MAML3: variants seen among roughly 807,000 people sequenced by gnomAD.
MAML3 encodes mastermind-like protein 3.
MAML3 carries 27 observed loss-of-function variants against 101.9 expected under a neutral mutation model. That is an observed-to-expected ratio of 0.27 (90% CI 0.20 to 0.37). The LOEUF (loss-of-function observed/expected upper bound fraction) is 0.37, where lower values mean the gene tolerates loss of function less well. Among genes scored for constraint, MAML3 ranks in the 10% least tolerant of loss-of-function variants. MAML3 has a pLI of 1.00. For missense variants in MAML3, 1,316 were observed against 1,444.9 expected, an observed-to-expected ratio of 0.91 and a Z score of 1.45; for synonymous variants, 501 against 555.9, an observed-to-expected ratio of 0.90 and a Z score of 1.39.
Position 139,720,036 on chromosome 4 carries a change from G to T in MAML3, c.2704C>A (p.Gln902Lys). Residue 902 changes from glutamine to lysine, a missense_variant, in exon 5 of 5, where the codon CAA becomes AAA. Gln to Lys is a moderately conservative substitution (Grantham distance 53). Coordinates refer to ENST00000509479, the MANE Select transcript of MAML3 (RefSeq NM_018717.5). ...CCAACCCCCTGCCCAGAGGCAGGTT[G>T]CCTCGGTCCCTGGGCTTGGTTATGT... Reference protein sequence around the residue: ...ITHNQAQGPRQPASGQGVGMV... With the variant: ...ITHNQAQGPRKPASGQGVGMV... 5 of 1,614,088 alleles carry T rather than the reference G, an allele frequency of 3.1e-6. No homozygotes were observed. The highest frequency in any genetic ancestry group is 2.2e-5 in the East Asian group (1 of 44,882).
chr4:139,831,280 T>C (rs1483246012), intron 2 of MAML3, among the ~76,000 whole-genome samples: 2 of 152,244 alleles, frequency 1.3e-5, no homozygotes, highest in East Asian at 3.8e-4. Flanking sequence ...CTGCTGTTTT[T>C]AAACTTTTAA....
chr4:140,071,789 A>AGAGAGAGAGAGAGAGAGAGAGAGAGAG (rs1553972703), intron 1 of MAML3, among the ~76,000 whole-genome samples: 1 of 90,360 alleles, frequency 1.1e-5, no homozygotes, highest in Non-Finnish European at 2.4e-5. Flanking sequence ...GAGAGAGAGA[A>AGAGAGAGAGAGAGAGAGAGAGAGAGAG]GGCACGCATC....
chr4:139,734,928 C>T (rs970420616), intron 2 of MAML3, among the ~76,000 whole-genome samples: 1 of 152,246 alleles, frequency 6.6e-6, no homozygotes, highest in Non-Finnish European at 1.5e-5. Flanking sequence ...TCCAGGCGTC[C>T]CTCGCCGGGG....
chr4:139,865,720 G>A lies in MAML3; in HGVS notation c.2079+23637C>T, dbSNP rs149416176. ...AGTCTTTCTTCCTTTCTGCAGTTAC[G>A]CCTTAGACATGCGCACTGAGGGGCT... On this transcript the variant is annotated intron_variant, in intron 2 of 4. Coordinates refer to ENST00000509479, the MANE Select transcript of MAML3 (RefSeq NM_018717.5). Among the ~76,000 whole-genome samples the A allele has an allele frequency of 5.0e-3, 756 of 152,136 alleles. 1 individual carries two copies. Among genetic ancestry groups the A allele is most frequent in the Non-Finnish European group, 8.0e-3 (543 of 68,004 alleles).
At chr4:140,091,552 A>AAC (rs1256741950) in intron 1 of MAML3, among the ~76,000 whole-genome samples, 4 of 150,086 alleles carry the variant, frequency 2.7e-5, no homozygotes, top group Non-Finnish European at 4.5e-5. Flanking sequence ...ACAAAACAAA[A>AAC]AAAAAAAACA....
intron 1 of MAML3, among the ~76,000 whole-genome samples, chr4:140,002,806 C>A (rs921919601): frequency 2.0e-4 from 30 of 152,196 alleles, no homozygotes; most frequent in Admixed American, 1.5e-3. Flanking sequence ...TCCAAGTTGG[C>A]AGAAAGGAAA....
At chr4:140,070,280 T>C (rs1727627321) in intron 1 of MAML3, among the ~76,000 whole-genome samples, 1 of 152,218 alleles carries the variant, frequency 6.6e-6, no homozygotes, top group Non-Finnish European at 1.5e-5. Context: ...ATGAGTAGCA[T>C]ACATTCATGT....
chr4:139,840,725 C>T (rs1033491133), intron 2 of MAML3, among the ~76,000 whole-genome samples: 3 of 152,234 alleles, frequency 2.0e-5, no homozygotes, highest in South Asian at 2.1e-4. Context: ...TGTGACAGGG[C>T]GTGAGATATG....
intron 2 of MAML3, among the ~76,000 whole-genome samples, chr4:139,834,739 T>C (rs773702477): frequency 1.3e-5 from 2 of 152,220 alleles, no homozygotes; most frequent in Non-Finnish European, 2.9e-5. Context: ...TTAATTGCTC[T>C]AGGAATTTTA....
At chr4:139,799,242 C>T (rs762922948) in intron 2 of MAML3, among the ~76,000 whole-genome samples, 3 of 152,114 alleles carry the variant, frequency 2.0e-5, no homozygotes, top group Non-Finnish European at 2.9e-5. Context: ...ATTAAGCGAC[C>T]AACTTCTAAA....
At chr4:140,048,239 A>G (rs67285285) in intron 1 of MAML3, among the ~76,000 whole-genome samples, 20,803 of 152,174 alleles carry the variant, frequency 0.14, 1,542 homozygotes, top group African/African-American at 0.17. Flanking sequence ...TTAAGGATGA[A>G]TATCATTCTT....
chr4:139,946,889 CCA>C (rs544250515), intron 1 of MAML3, among the ~76,000 whole-genome samples: 702 of 126,844 alleles, frequency 5.5e-3, no homozygotes, highest in African/African-American at 0.016. Flanking sequence ...GCAGAGTAAG[CCA>C]CACACACACA....
At chr4:140,126,769 T>C (rs868261419) in intron 1 of MAML3, among the ~76,000 whole-genome samples, 1 of 152,190 alleles carries the variant, frequency 6.6e-6, no homozygotes, top group African/African-American at 2.4e-5. Flanking sequence ...AAACGTCGCA[T>C]GTCCAAAACC....
At chr4:139,736,457 G>A (rs1728949871) in intron 2 of MAML3, among the ~76,000 whole-genome samples, 1 of 152,138 alleles carries the variant, frequency 6.6e-6, no homozygotes, top group African/African-American at 2.4e-5. Context: ...GACTCCCAGA[G>A]GTTCAGGCAA....
chr4:139,843,354 C>A (rs1731394723), intron 2 of MAML3, among the ~76,000 whole-genome samples: 1 of 152,158 alleles, frequency 6.6e-6, no homozygotes, highest in Admixed American at 6.6e-5. Context: ...GGTCCATGTG[C>A]TCAAATTTAG....
intron 1 of MAML3, among the ~76,000 whole-genome samples, chr4:140,116,149 T>C (rs1320055121): frequency 6.6e-6 from 1 of 152,218 alleles, no homozygotes; most frequent in Non-Finnish European, 1.5e-5. Flanking sequence ...TTCCCATGCC[T>C]GCTTTATTTA....
At chr4:139,822,346 C>T (rs1014139250) in intron 2 of MAML3, among the ~76,000 whole-genome samples, 1 of 150,278 alleles carries the variant, frequency 6.7e-6, no homozygotes, top group Admixed American at 6.7e-5. Flanking sequence ...AGTGACTGGG[C>T]TGCTGCTGGG....
chr4:140,122,765 C>T (rs988884215), intron 1 of MAML3, among the ~76,000 whole-genome samples: 2 of 137,638 alleles, frequency 1.5e-5, no homozygotes, highest in African/African-American at 5.5e-5. Flanking sequence ...GCACTCCAGC[C>T]TGGGCGACAG....
intron 1 of MAML3, among the ~76,000 whole-genome samples, chr4:140,021,087 C>T (rs1006405935): frequency 2.0e-5 from 3 of 152,052 alleles, no homozygotes; most frequent in Non-Finnish European, 4.4e-5. Context: ...ATAGACAATA[C>T]GTGGAGAAAA....
Sources: gnomAD v4.1 joint callset for allele counts (sites outside exome capture counted in the v4.1 genomes callset) on GRCh38, gnomAD v4.1.1 for gene constraint, MANE v1.5 for transcripts, NCBI Gene and HGNC (gene_info 2026-07-23, HGNC 2026-07-21) for gene names.